Variants in EZR observed in about 807,000 individuals in gnomAD.
EZR encodes the protein ezrin.
EZR carries 40 observed loss-of-function variants against 74.8 expected under a neutral mutation model. The observed-to-expected ratio is 0.53, with a 90% CI of 0.42 to 0.70. EZR has a LOEUF of 0.70. EZR is among the 30% of genes least tolerant of loss of function. The probability of loss-of-function intolerance (pLI) is 0.00; values close to 1 mark genes in which losing one functional copy is unlikely to be tolerated. For synonymous variants in EZR, 341 were observed against 283.3 expected, an observed-to-expected ratio of 1.20 and a Z score of -2.05; for missense variants, 678 against 755.8, an observed-to-expected ratio of 0.90 and a Z score of 1.21.
At chr6:158,796,990 T>C (rs1005092002) in intron 2 of EZR, among the ~76,000 whole-genome samples, 1 of 152,264 alleles carries the variant, frequency 6.6e-6, no homozygotes, top group Non-Finnish European at 1.5e-5. Flanking sequence ...ATTTTGCTTC[T>C]AATCTATGAA....
intron 3 of EZR, among the ~76,000 whole-genome samples, chr6:158,787,915 G>T (rs1383105421): frequency 6.6e-6 from 1 of 152,208 alleles, no homozygotes; most frequent in Non-Finnish European, 1.5e-5. Context: ...CATTACAGGA[G>T]TCCTGAGCTG....
intron 2 of EZR, among the ~76,000 whole-genome samples, chr6:158,796,966 C>A (rs982367411): frequency 6.6e-6 from 1 of 152,188 alleles, no homozygotes; most frequent in African/African-American, 2.4e-5. Context: ...ACCAAGTTGA[C>A]AATCAAATTT....
intron 2 of EZR, among the ~76,000 whole-genome samples, chr6:158,802,825 C>T (rs534792325): frequency 5.3e-5 from 8 of 152,206 alleles, no homozygotes; most frequent in South Asian, 2.1e-4. Flanking sequence ...CCACCGCGCC[C>T]GGCCAGGTTT....
intron 2 of EZR, among the ~76,000 whole-genome samples, chr6:158,806,755 T>G (rs1337802206): frequency 6.6e-6 from 1 of 152,190 alleles, no homozygotes; most frequent in Non-Finnish European, 1.5e-5. Context: ...TCAGCCACGT[T>G]CTAAATAAAA....
chr6:158,791,706 A>ATTTTTTTTTTTTTTTTTTTT (rs57581855), intron 2 of EZR, among the ~76,000 whole-genome samples: 1 of 96,262 alleles, frequency 1.0e-5, no homozygotes, highest in African/African-American at 4.1e-5. Context: ...TTCAGACTCC[A>ATTTTTTTTTTTTTTTTTTTT]TTTTTTTTTT....
At chr6:158,782,488 G>A (rs1340461421) in intron 7 of EZR, among the ~76,000 whole-genome samples, 1 of 152,228 alleles carries the variant, frequency 6.6e-6, no homozygotes, top group Non-Finnish European at 1.5e-5. Flanking sequence ...GGAACAGCAT[G>A]AGGCTGGGAA....
intron 3 of EZR, among the ~76,000 whole-genome samples, chr6:158,788,710 A>G (rs1562498232): frequency 6.6e-6 from 1 of 152,054 alleles, no homozygotes; most frequent in African/African-American, 2.4e-5. Context: ...AAAGTATTTA[A>G]TAAGTAAGTA....
At chr6:158,806,218 A>G (rs960346849) in intron 2 of EZR, among the ~76,000 whole-genome samples, 1 of 152,224 alleles carries the variant, frequency 6.6e-6, no homozygotes, top group South Asian at 2.1e-4. Context: ...TTTGATCCAG[A>G]GCACAAAGGT....
intron 11 of EZR, 128 bp from the exon 12 acceptor site, chr6:158,769,546 C>T (rs1223304993): frequency 1.9e-6 from 2 of 1,054,864 alleles, no homozygotes; most frequent in Non-Finnish European, 2.8e-6. Flanking sequence ...CACCCCCACT[C>T]CATGGCCAGC....
chr6:158,808,476 TACTAC>T (rs1477907932), intron 2 of EZR, among the ~76,000 whole-genome samples: 1 of 149,452 alleles, frequency 6.7e-6, no homozygotes, highest in African/African-American at 2.4e-5. Context: ...TACATTTACT[TACTAC>T]ATTATTTCAT....
At chr6:158,776,012 C>T (rs1791267364) in intron 8 of EZR, among the ~76,000 whole-genome samples, 1 of 152,188 alleles carries the variant, frequency 6.6e-6, no homozygotes. Flanking sequence ...CTGTCCCTAT[C>T]TTGGGTAAGT....
intron 2 of EZR, among the ~76,000 whole-genome samples, chr6:158,813,853 T>C (rs1430466998): frequency 6.6e-6 from 1 of 152,198 alleles, no homozygotes; most frequent in Non-Finnish European, 1.5e-5. Flanking sequence ...TCTATGGTTC[T>C]CATGACAGCT....
chr6:158,815,273 G>C (rs920665292), intron 2 of EZR, among the ~76,000 whole-genome samples: 1 of 152,120 alleles, frequency 6.6e-6, no homozygotes, highest in Non-Finnish European at 1.5e-5. Context: ...CTCTCTAACA[G>C]CCTTAAGAAA....
chr6:158,791,726 T>C (rs1305058128), intron 2 of EZR, among the ~76,000 whole-genome samples: 1 of 147,114 alleles, frequency 6.8e-6, no homozygotes, highest in East Asian at 2.0e-4. Context: ...TTTTTTTTTT[T>C]GAGACAGAGT....
Position 158,769,405 on chromosome 6 carries a change from G to A in EZR, c.1265C>T (p.Ala422Val), listed in dbSNP as rs1349321819. Residue 422 changes from alanine to valine, a missense_variant, in exon 12 of 14, where the codon GCA becomes GTA. Ala to Val is a moderately conservative substitution (Grantham distance 64, BLOSUM62 0). Coordinates refer to ENST00000367075, the MANE Select transcript of EZR (RefSeq NM_001111077.2). The stretch of plus-strand genomic sequence containing the variant: ...GAGGGCAATCTTGGCAGTGTATTCT[G>A]CAAGCTCCGCAGCCTGGGAAGGGAA... ...KSQEQLAAEL[A>V]EYTAKIALLE... 1.2e-6 allele frequency: 2 copies of A among 1,606,512 alleles called. No individual in the cohort carries two copies. The highest frequency in any genetic ancestry group is 1.7e-6 in the Non-Finnish European group (2 of 1,179,946).
Position 158,785,419 on chromosome 6 carries a change from A to T in EZR, c.357T>A (p.Pro119=). Residue 119 remains proline, a synonymous_variant, in exon 5 of 14, where the codon CCT becomes CCA. Transcript: ENST00000367075. ...GILSDEIYCP[P]ETAVLLGSYA... ...AGGACCCCAAGAGCACGGCAGTCTC[A>T]GGGGGGCAGTAGATCTCATCGCTAA... is the stretch of plus-strand genomic sequence containing the variant. The T allele has an allele frequency of 6.2e-7, 1 of 1,614,166 alleles. No individual in the cohort carries two copies. The highest frequency in any genetic ancestry group is 1.3e-5 in the African/African-American group (1 of 75,046).
intron 8 of EZR, 21 bp from the exon 9 acceptor site, chr6:158,771,428 A>G (rs1284332997): frequency 1.1e-5 from 17 of 1,562,832 alleles, no homozygotes; most frequent in Non-Finnish European, 1.5e-5. Context: ...GAACAGGGCC[A>G]CCTGGACTCA....
At chr6:158,812,627 C>A (rs942638047) in intron 2 of EZR, among the ~76,000 whole-genome samples, 3 of 152,150 alleles carry the variant, frequency 2.0e-5, no homozygotes, top group Non-Finnish European at 4.4e-5. Context: ...GAGTCTGGTC[C>A]TTTAATATTT....
chr6:158,769,896 T>C lies in EZR; in HGVS notation c.1139A>G (p.Lys380Arg), dbSNP rs2128564891. ...QRALQLEEER[K>R]RAQEEAERLE... ...GCGCTCGGCCTCCTCCTGTGCCCGC[T>C]TCCTCTCCTCCTCCAGCTGCAGGGC... Residue 380 changes from lysine (K) to arginine (R), a missense_variant, in exon 11 of 14, where the codon AAG becomes AGG. Around this residue, in one of 3 missense-constraint regions of EZR, gnomAD observed 342 missense variants for 341.2 expected, o/e 1.00. Transcript: ENST00000367075. 2 of 1,613,338 alleles carry C rather than the reference T, an allele frequency of 1.2e-6. No homozygotes were observed. Among genetic ancestry groups the C allele is most frequent in the Non-Finnish European group, 1.7e-6 (2 of 1,180,020 alleles).
Sources: gnomAD v4.1 joint callset for allele counts (sites outside exome capture counted in the v4.1 genomes callset) on GRCh38, gnomAD v4.1.1 for gene constraint, gnomAD v4.1.1 regional missense constraint, MANE v1.5 for transcripts, NCBI Gene and HGNC (gene_info 2026-07-23, HGNC 2026-07-21) for gene names.